PRKG1: variants seen among roughly 807,000 people sequenced by gnomAD.
The protein encoded by PRKG1 is cGMP-dependent protein kinase 1.
Under a neutral mutation model 88.1 loss-of-function variants are expected in PRKG1, and 35 were observed. The observed-to-expected ratio is 0.40, with a 90% CI of 0.30 to 0.53. The LOEUF (loss-of-function observed/expected upper bound fraction) is 0.53, where lower values mean the gene tolerates loss of function less well. PRKG1 is among the 20% of genes least tolerant of loss of function. The pLI is 0.59. For missense variants in PRKG1, 540 were observed against 839.8 expected (o/e 0.64, Z 4.41); for synonymous variants, 303 against 292.5 (o/e 1.04, Z -0.37).
chr10:51,459,144 TC>T (rs1839672856), intron 2 of PRKG1, among the ~76,000 whole-genome samples: 2 of 152,060 alleles, frequency 1.3e-5, no homozygotes, highest in Admixed American at 1.3e-4. Flanking sequence ...CTTCATCATA[TC>T]CTGACCCCTC....
At chr10:51,210,868 C>A (rs372373116) in intron 2 of PRKG1, among the ~76,000 whole-genome samples, 1 of 152,112 alleles carries the variant, frequency 6.6e-6, no homozygotes, top group Non-Finnish European at 1.5e-5. Context: ...GATTCACAGC[C>A]GAATTCTACC....
intron 11 of PRKG1, among the ~76,000 whole-genome samples, chr10:52,272,048 A>G (rs888514868): frequency 3.3e-5 from 5 of 152,084 alleles, no homozygotes; most frequent in Non-Finnish European, 7.4e-5. Flanking sequence ...AATCCACTTT[A>G]TTCCCATTTT....
chr10:51,969,952 A>G (rs893804828), intron 5 of PRKG1, among the ~76,000 whole-genome samples: 2 of 151,240 alleles, frequency 1.3e-5, no homozygotes, highest in African/African-American at 4.9e-5. Context: ...TACCAAGATA[A>G]TCAATTGCTA....
At chr10:51,925,694 A>C (rs773162238) in intron 5 of PRKG1, among the ~76,000 whole-genome samples, 14 of 152,250 alleles carry the variant, frequency 9.2e-5, no homozygotes, top group Non-Finnish European at 1.9e-4. Context: ...TTTCCCCTAG[A>C]TTTATGATGA....
At chr10:51,441,914 G>A (rs1471122692) in intron 2 of PRKG1, among the ~76,000 whole-genome samples, 3 of 151,700 alleles carry the variant, frequency 2.0e-5, no homozygotes, top group African/African-American at 7.3e-5. Context: ...TTGCCTCTAA[G>A]CTATTTCTTT....
intron 1 of PRKG1, among the ~76,000 whole-genome samples, chr10:51,081,297 T>C (rs1038592447): frequency 9.8e-5 from 15 of 152,360 alleles, no homozygotes; most frequent in Admixed American, 7.2e-4. Context: ...GGTAAAACTA[T>C]GCCATATTTG....
intron 2 of PRKG1, among the ~76,000 whole-genome samples, chr10:51,187,736 A>T (rs990719867): frequency 6.6e-6 from 1 of 152,052 alleles, no homozygotes; most frequent in South Asian, 2.1e-4. Flanking sequence ...GTTTCTCAGA[A>T]CATAAGGCTA....
intron 1 of PRKG1, among the ~76,000 whole-genome samples, chr10:51,023,213 C>A (rs573617054): frequency 2.6e-5 from 4 of 152,172 alleles, no homozygotes; most frequent in Admixed American, 2.6e-4. Flanking sequence ...AGCTAGGGGG[C>A]AAAATTATAT....
chr10:51,688,109 G>T (rs1322984255), intron 3 of PRKG1, among the ~76,000 whole-genome samples: 1 of 152,068 alleles, frequency 6.6e-6, no homozygotes, highest in Non-Finnish European at 1.5e-5. Flanking sequence ...TAATTTTATG[G>T]TGCTTTTATT....
chr10:51,118,763 A>G (rs1845195593), intron 1 of PRKG1, among the ~76,000 whole-genome samples: 1 of 152,140 alleles, frequency 6.6e-6, no homozygotes, highest in Non-Finnish European at 1.5e-5. Context: ...TCTGCAGAAT[A>G]TTCTATTTAA....
chr10:51,533,291 A>T (rs1842061867), intron 3 of PRKG1, among the ~76,000 whole-genome samples: 1 of 152,214 alleles, frequency 6.6e-6, no homozygotes, highest in Non-Finnish European at 1.5e-5. Context: ...CTTTTTCACA[A>T]TTCTTTTACA....
chr10:52,290,325 T>C (rs1054784948), intron 17 of PRKG1, 35 bp downstream of exon 17: 5 of 1,507,594 alleles, frequency 3.3e-6, no homozygotes, highest in Non-Finnish European at 4.6e-6. Flanking sequence ...TTGTGTGACA[T>C]AATTGATGGT....
At chr10:51,786,056 G>A (rs1783865956) in intron 3 of PRKG1, among the ~76,000 whole-genome samples, 1 of 152,094 alleles carries the variant, frequency 6.6e-6, no homozygotes, top group African/African-American at 2.4e-5. Flanking sequence ...TGAAATTCCT[G>A]TAAATCTGTA....
At chr10:51,842,481 TC>T (rs1840303182) in intron 4 of PRKG1, among the ~76,000 whole-genome samples, 1 of 152,178 alleles carries the variant, frequency 6.6e-6, no homozygotes, top group African/African-American at 2.4e-5. Flanking sequence ...GCTACTTTTT[TC>T]CTTCTGATCC....
rs892070158 is a variant in PRKG1 at position 51,185,981 on chromosome 10, TA to T, written c.478+32660del. 2.0e-3 allele frequency among the ~76,000 whole-genome samples: 298 copies of T among 151,394 alleles called. 2 individuals carry two copies. Among genetic ancestry groups the T allele is most frequent in the South Asian group, 6.0e-3 (29 of 4,796 alleles). On this transcript the variant is annotated intron_variant, in intron 2 of 17. Coordinates refer to ENST00000373980, the MANE Select transcript of PRKG1 (RefSeq NM_006258.4). ...TAATATCTTAATGAAAAGTGATTTT[TA>T]AAAAAAAATGTTATAGAACATGATC...
At chr10:51,038,986 A>C (rs1201910159) in intron 1 of PRKG1, among the ~76,000 whole-genome samples, 1 of 152,238 alleles carries the variant, frequency 6.6e-6, no homozygotes, top group East Asian at 1.9e-4. Flanking sequence ...CTATATGCAA[A>C]AACAGGCTTG....
At chr10:52,275,649 G>T (rs572540138) in intron 12 of PRKG1, among the ~76,000 whole-genome samples, 112 of 152,192 alleles carry the variant, frequency 7.4e-4, no homozygotes, top group African/African-American at 2.6e-3. Context: ...GCTTAATCTT[G>T]CTTTGGCTAT....
At chr10:51,538,703 C>T (rs1842226767) in intron 3 of PRKG1, among the ~76,000 whole-genome samples, 1 of 150,254 alleles carries the variant, frequency 6.7e-6, no homozygotes, top group Admixed American at 6.6e-5. Flanking sequence ...TAATAGTTTT[C>T]TATGGTATCT....
rs146601022 is a variant in PRKG1, at chr10:51,725,414, G to A, written c.593-79171G>A. On this transcript the variant is annotated intron_variant, in intron 3 of 17. Transcript: ENST00000373980. ...TTGTAAATAATTATGTGCATGGTAG[G>A]GTAAAAAGACACTTAGGCAACTTTT... 5.3e-3 allele frequency among the ~76,000 whole-genome samples: 803 copies of A among 150,988 alleles called. 5 individuals carry two copies. The highest frequency in any genetic ancestry group is 0.01 in the Middle Eastern group (3 of 290).
Sources: gnomAD v4.1 joint callset for allele counts (sites outside exome capture counted in the v4.1 genomes callset) on GRCh38, gnomAD v4.1.1 for gene constraint, MANE v1.5 for transcripts, NCBI Gene and HGNC (gene_info 2026-07-23, HGNC 2026-07-21) for gene names.